TRAPPC9: variants seen among roughly 807,000 people sequenced by gnomAD.
TRAPPC9 encodes IKK2 binding protein.
A neutral mutation model predicts 124.0 loss-of-function variants in TRAPPC9; 83 were observed. The observed-to-expected ratio is 0.67, with a 90% CI of 0.56 to 0.80. The LOEUF is 0.80. TRAPPC9 is among the 30% of genes least tolerant of loss of function. The pLI, the probability that TRAPPC9 is intolerant of heterozygous loss-of-function variation, is 0.00. For missense variants in TRAPPC9, 1,302 were observed against 1,508.3 expected (o/e 0.86, Z 2.27); for synonymous variants, 638 against 617.5 (o/e 1.03, Z -0.49).
rs35297460 is a variant in TRAPPC9 at position 139,737,466 on chromosome 8, T to TCCCCCCCC, written c.3056-5272_3056-5265dup. On this transcript the variant is annotated intron_variant, in intron 21 of 22. Transcript: ENST00000438773. ...GCCTTCAGGCGGGGGTCATCAGCCC[T>TCCCCCCCC]CCCCCCCCCCCCACGGAAAACCCTG... 1.2e-4 allele frequency among the ~76,000 whole-genome samples: 5 copies of TCCCCCCCC among 41,370 alleles called. 2 individuals are homozygous for TCCCCCCCC. The highest frequency in any genetic ancestry group is 3.9e-4 in the African/African-American group (5 of 12,976). The allele number at this position is 41,370 out of a possible 152,430, so 27.1% of individuals were successfully genotyped here. A position where few individuals can be genotyped will look rare whatever the true frequency, so the allele number is the denominator to read the frequency against.
intron 18 of TRAPPC9, among the ~76,000 whole-genome samples, chr8:139,994,817 A>G (rs577646782): frequency 2.7e-4 from 41 of 152,250 alleles, no homozygotes; most frequent in South Asian, 1.0e-3. Context: ...CAGTTAAAGC[A>G]AAAATCGTAA....
At chr8:140,424,703 T>C (rs968074051) in intron 5 of TRAPPC9, among the ~76,000 whole-genome samples, 2 of 149,654 alleles carry the variant, frequency 1.3e-5, no homozygotes, top group African/African-American at 4.9e-5. Context: ...GTTTTAAGAA[T>C]CATTCCACTT....
At position 140,011,206 on chromosome 8, in the gene TRAPPC9, G is replaced by A. The variant is rs556335730; in HGVS notation, c.2699+12731C>T. Among the ~76,000 whole-genome samples the A allele has an allele frequency of 3.3e-5, 5 of 151,952 alleles. No individual in the cohort carries two copies. In the East Asian group the frequency reaches 9.8e-4, roughly 30 times the overall value. On this transcript the variant is annotated intron_variant, in intron 18 of 22. Transcript: ENST00000438773. ...AATACAAAAATTAGCTGGGCGTGGT[G>A]AGGCAGGCGCCTGTAATCCCAGCTA...
At chr8:140,228,874 G>A (rs2131361685) in intron 16 of TRAPPC9, among the ~76,000 whole-genome samples, 1 of 152,220 alleles carries the variant, frequency 6.6e-6, no homozygotes, top group South Asian at 2.1e-4. Context: ...AGGGTAGGGG[G>A]GAAGATAAAG....
chr8:139,981,446 T>C (rs1836892576), intron 19 of TRAPPC9, among the ~76,000 whole-genome samples: 1 of 152,236 alleles, frequency 6.6e-6, no homozygotes, highest in Non-Finnish European at 1.5e-5. Context: ...AAAACTCATC[T>C]GTAACTCATA....
At chr8:140,060,141 T>C (rs1019789812) in intron 17 of TRAPPC9, among the ~76,000 whole-genome samples, 3 of 152,240 alleles carry the variant, frequency 2.0e-5, no homozygotes, top group Admixed American at 6.5e-5. Flanking sequence ...CAGCTCGTTC[T>C]TTCTGATGCC....
chr8:140,119,142 G>C (rs985019139), intron 17 of TRAPPC9, among the ~76,000 whole-genome samples: 5 of 152,228 alleles, frequency 3.3e-5, no homozygotes, highest in Non-Finnish European at 7.3e-5. Flanking sequence ...CAGAAAGCCG[G>C]AGTGCACAGC....
At chr8:140,187,412 C>T (rs994113571) in intron 17 of TRAPPC9, among the ~76,000 whole-genome samples, 2 of 152,110 alleles carry the variant, frequency 1.3e-5, no homozygotes, top group East Asian at 1.9e-4. Context: ...TTGGGACGCT[C>T]GACCTATACT....
intron 17 of TRAPPC9, among the ~76,000 whole-genome samples, chr8:140,078,960 G>A (rs919139990): frequency 3.5e-4 from 54 of 152,240 alleles, no homozygotes; most frequent in African/African-American, 1.3e-3. Flanking sequence ...ATCTTATCTT[G>A]AATTGTAGCT....
At chr8:140,248,833 T>C (rs531540549) in intron 16 of TRAPPC9, among the ~76,000 whole-genome samples, 3 of 152,340 alleles carry the variant, frequency 2.0e-5, no homozygotes, top group African/African-American at 4.8e-5. Context: ...AATTTGAAGA[T>C]AAGGTAAATA....
intron 5 of TRAPPC9, among the ~76,000 whole-genome samples, chr8:140,416,469 T>C (rs1223888668): frequency 6.6e-6 from 1 of 152,166 alleles, no homozygotes; most frequent in Non-Finnish European, 1.5e-5. Flanking sequence ...CCATTCACAA[T>C]TGCTTCAAAG....
chr8:139,906,429 CT>C (rs986955174), intron 20 of TRAPPC9, among the ~76,000 whole-genome samples: 1 of 152,156 alleles, frequency 6.6e-6, no homozygotes, highest in Non-Finnish European at 1.5e-5. Flanking sequence ...CCCTCCAGCA[CT>C]CTAGGAGGAG....
At chr8:140,059,941 C>T (rs538595872) in intron 17 of TRAPPC9, among the ~76,000 whole-genome samples, 2 of 152,312 alleles carry the variant, frequency 1.3e-5, no homozygotes, top group South Asian at 4.1e-4. Context: ...TCTGTGTACG[C>T]TAACACCATC....
chr8:140,433,076 G>C (rs561402874), intron 4 of TRAPPC9, among the ~76,000 whole-genome samples: 1 of 152,190 alleles, frequency 6.6e-6, no homozygotes, highest in East Asian at 1.9e-4. Context: ...GCCGAAGCGG[G>C]TGGATCACTT....
chr8:140,046,621 T>G (rs945758718), intron 17 of TRAPPC9, among the ~76,000 whole-genome samples: 1 of 152,240 alleles, frequency 6.6e-6, no homozygotes, highest in Non-Finnish European at 1.5e-5. Context: ...GGCTTTGTGC[T>G]TTGGTGGACA....
At chr8:140,068,422 C>T (rs1256032239) in intron 17 of TRAPPC9, among the ~76,000 whole-genome samples, 2 of 152,152 alleles carry the variant, frequency 1.3e-5, no homozygotes, top group Non-Finnish European at 2.9e-5. Context: ...CACCTCGCAT[C>T]AGGGCAAAGA....
intron 21 of TRAPPC9, among the ~76,000 whole-genome samples, chr8:139,738,125 C>G (rs77980507): frequency 2.0e-3 from 309 of 152,328 alleles, no homozygotes; most frequent in Non-Finnish European, 3.5e-3. Flanking sequence ...GTTGGGTCCC[C>G]TTAGGCCTTT....
chr8:140,164,794 G>C (rs956566640), intron 17 of TRAPPC9, among the ~76,000 whole-genome samples: 3 of 152,128 alleles, frequency 2.0e-5, no homozygotes, highest in Non-Finnish European at 4.4e-5. Context: ...GCCATGTCCT[G>C]CCAATCCCTG....
intron 17 of TRAPPC9, among the ~76,000 whole-genome samples, chr8:140,107,428 C>T (rs956494253): frequency 3.3e-5 from 5 of 152,160 alleles, no homozygotes; most frequent in Non-Finnish European, 5.9e-5. Flanking sequence ...GGAACAGTCC[C>T]CACCCTCAAG....
Sources: gnomAD v4.1 joint callset for allele counts (sites outside exome capture counted in the v4.1 genomes callset) on GRCh38, gnomAD v4.1.1 for gene constraint, MANE v1.5 for transcripts, NCBI Gene and HGNC (gene_info 2026-07-23, HGNC 2026-07-21) for gene names.